AIG1: variants seen among roughly 807,000 people sequenced by gnomAD.
AIG1 encodes androgen-induced gene 1 protein.
A neutral mutation model predicts 31.4 loss-of-function variants in AIG1; 23 were observed. The observed-to-expected ratio is 0.73, with a 90% CI of 0.53 to 1.04. The LOEUF (loss-of-function observed/expected upper bound fraction) is 1.04. Among genes scored for constraint, AIG1 ranks in the 50% least tolerant of loss-of-function variants. The pLI is 0.00. For missense variants in AIG1, 274 were observed against 295.0 expected, an observed-to-expected ratio of 0.93 and a Z score of 0.52; for synonymous variants, 100 against 110.5, an observed-to-expected ratio of 0.90 and a Z score of 0.60.
intron 2 of AIG1, among the ~76,000 whole-genome samples, chr6:143,153,888 T>C (rs942869041): frequency 1.3e-5 from 2 of 151,734 alleles, no homozygotes; most frequent in African/African-American, 4.9e-5. Flanking sequence ...GTCTCTGACA[T>C]TTAATTTATT....
chr6:143,189,720 T>G (rs72990423), intron 3 of AIG1: 32,400 of 985,362 alleles, frequency 0.033, 625 homozygotes, highest in South Asian at 0.094. Context: ...ACAATTTCCC[T>G]CAAAACCCTC....
intron 1 of AIG1, among the ~76,000 whole-genome samples, chr6:143,120,225 C>T (rs906309852): frequency 6.6e-6 from 1 of 152,168 alleles, no homozygotes; most frequent in Non-Finnish European, 1.5e-5. Context: ...TGAGCCACCA[C>T]ACCCAGCCCA....
intron 2 of AIG1, among the ~76,000 whole-genome samples, chr6:143,151,645 G>A (rs1785238744): frequency 6.6e-6 from 1 of 152,170 alleles, no homozygotes; most frequent in Admixed American, 6.5e-5. Flanking sequence ...TCTATTTTGA[G>A]ATAATCCTTC....
At chr6:143,193,045 ACC>A (rs966348682) in intron 3 of AIG1, among the ~76,000 whole-genome samples, 93 of 152,310 alleles carry the variant, frequency 6.1e-4, no homozygotes, top group African/African-American at 2.2e-3. Context: ...TGATGGTGCA[ACC>A]AAGAGCCTGA....
intron 3 of AIG1, among the ~76,000 whole-genome samples, chr6:143,262,928 A>T (rs1795901145): frequency 6.6e-6 from 1 of 152,178 alleles, no homozygotes; most frequent in Non-Finnish European, 1.5e-5. Flanking sequence ...TTCCTCCTCA[A>T]ATAAATCTGC....
chr6:143,190,034 G>T, intron 3 of AIG1: 1 of 491,164 alleles, frequency 2.0e-6, no homozygotes, highest in Non-Finnish European at 2.6e-6. Flanking sequence ...TCTCTCTGGA[G>T]CCTCTTTTAA....
At position 143,190,796 on chromosome 6, in the gene AIG1, C is replaced by T. The variant is rs141025315; in HGVS notation, c.399+25613C>T. ...TTATACTAGCACACATGTTTGAAAG[C>T]GATATGATCCCCATTGAAAACTCTT... On this transcript the variant is annotated intron_variant, in intron 3 of 5. Coordinates refer to ENST00000357847, the MANE Select transcript of AIG1 (RefSeq NM_016108.4). 2.9e-3 allele frequency among the ~76,000 whole-genome samples: 439 copies of T among 152,238 alleles called. 1 individual carries two copies. Among genetic ancestry groups the T allele is most frequent in the Middle Eastern group, 0.017 (5 of 294 alleles).
At chr6:143,174,271 G>A (rs564044157) in intron 3 of AIG1, among the ~76,000 whole-genome samples, 11 of 152,012 alleles carry the variant, frequency 7.2e-5, no homozygotes, top group Non-Finnish European at 1.3e-4. Flanking sequence ...GGTGGATCAC[G>A]TGGTCAGGAG....
chr6:143,082,885 G>C (rs1778400982), intron 1 of AIG1, among the ~76,000 whole-genome samples: 1 of 152,166 alleles, frequency 6.6e-6, no homozygotes, highest in African/African-American at 2.4e-5. Flanking sequence ...CCTACTTTAG[G>C]ACCTGAAAAG....
intron 1 of AIG1, among the ~76,000 whole-genome samples, chr6:143,124,464 C>T (rs1173071329): frequency 6.6e-6 from 1 of 152,230 alleles, no homozygotes; most frequent in Non-Finnish European, 1.5e-5. Context: ...CCACGGTGGA[C>T]CGTGAACTCC....
chr6:143,321,584 T>A (rs111763785), intron 4 of AIG1, among the ~76,000 whole-genome samples: 169 of 151,780 alleles, frequency 1.1e-3, no homozygotes, highest in African/African-American at 3.8e-3. Flanking sequence ...AGAGGAAGAC[T>A]GTATAAAAAA....
intron 2 of AIG1, among the ~76,000 whole-genome samples, chr6:143,152,543 T>C (rs1785334175): frequency 6.6e-6 from 1 of 152,182 alleles, no homozygotes; most frequent in Non-Finnish European, 1.5e-5. Flanking sequence ...TGGATATCTG[T>C]TTAATTATTT....
chr6:143,075,494 C>T (rs549289122), intron 1 of AIG1, among the ~76,000 whole-genome samples: 101 of 152,100 alleles, frequency 6.6e-4, no homozygotes, highest in African/African-American at 2.2e-3. Context: ...TTGGTAGGGA[C>T]GGGGTTTTGC....
chr6:143,295,488 T>C (rs1028387228), intron 4 of AIG1, among the ~76,000 whole-genome samples: 7 of 152,146 alleles, frequency 4.6e-5, no homozygotes, highest in African/African-American at 1.7e-4. Context: ...CTCCTTCCCT[T>C]TTGCTTGCTA....
chr6:143,162,025 AT>A (rs1352235543), intron 2 of AIG1, among the ~76,000 whole-genome samples: 1 of 152,242 alleles, frequency 6.6e-6, no homozygotes, highest in Non-Finnish European at 1.5e-5. Context: ...TCGTGTAAGT[AT>A]AAAATGCAAA....
intron 1 of AIG1, among the ~76,000 whole-genome samples, chr6:143,063,138 C>A: frequency 6.6e-6 from 1 of 152,182 alleles, no homozygotes; most frequent in East Asian, 1.9e-4. Flanking sequence ...CCTCTCATAA[C>A]CTTTGTGTGA....
At chr6:143,287,483 G>A (rs1797764612) in intron 4 of AIG1, among the ~76,000 whole-genome samples, 1 of 152,148 alleles carries the variant, frequency 6.6e-6, no homozygotes, top group African/African-American at 2.4e-5. Flanking sequence ...ATTGTAGTCT[G>A]TTAACCGGAC....
intron 3 of AIG1, among the ~76,000 whole-genome samples, chr6:143,174,656 C>G (rs1195417737): frequency 2.0e-5 from 3 of 152,010 alleles, no homozygotes; most frequent in African/African-American, 7.3e-5. Context: ...ATCCATTCTG[C>G]CATTTTGTGT....
chr6:143,080,916 A>C (rs1315286024), intron 1 of AIG1, among the ~76,000 whole-genome samples: 1 of 152,150 alleles, frequency 6.6e-6, no homozygotes, highest in Non-Finnish European at 1.5e-5. Flanking sequence ...GGACTTGACT[A>C]ATACCATGTC....
Sources: gnomAD v4.1 joint callset for allele counts (sites outside exome capture counted in the v4.1 genomes callset) on GRCh38, gnomAD v4.1.1 for gene constraint, MANE v1.5 for transcripts, NCBI Gene and HGNC (gene_info 2026-07-23, HGNC 2026-07-21) for gene names.